CNTLN: variants seen among roughly 807,000 people sequenced by gnomAD.
CNTLN encodes the protein centlein.
A neutral mutation model predicts 180.0 loss-of-function variants in CNTLN; 212 were observed. The observed-to-expected ratio is 1.18, with a 90% CI of 1.05 to 1.32. The LOEUF (loss-of-function observed/expected upper bound fraction) is 1.32. Ranked by LOEUF, CNTLN falls within the 40% of genes most tolerant of loss-of-function variation. CNTLN has a pLI of 0.00. For synonymous variants in CNTLN, 722 were observed against 563.1 expected (o/e 1.28, Z -3.99); for missense variants, 2,095 against 1,610.9 (o/e 1.30, Z -5.14).
At chr9:17,368,610 G>C (rs1176603830) in intron 13 of CNTLN, among the ~76,000 whole-genome samples, 1 of 152,172 alleles carries the variant, frequency 6.6e-6, no homozygotes, top group Non-Finnish European at 1.5e-5. Flanking sequence ...CCACAGGGGT[G>C]CATTTGTCAC....
Position 17,388,160 on chromosome 9 carries a change from A to G in CNTLN, c.1988-2A>G, listed in dbSNP as rs1400903282. 2 of 1,596,452 alleles carry G rather than the reference A, an allele frequency of 1.3e-6. No homozygotes were observed. Among genetic ancestry groups the G allele is most frequent in the Non-Finnish European group, 1.7e-6 (2 of 1,165,484 alleles). ...CATAATATATTATTTATTCTCTACC[A>G]GAACAGCTCTTTAGATCTGGTGAAG... On this transcript the variant is annotated splice_acceptor_variant, in intron 13 of 25. Transcript: ENST00000380647. LOFTEE classifies it high-confidence loss of function.
chr9:17,488,397 A>G (rs1588100609), intron 25 of CNTLN, among the ~76,000 whole-genome samples: 1 of 152,278 alleles, frequency 6.6e-6, no homozygotes, highest in East Asian at 1.9e-4. Flanking sequence ...ACATCAAAGA[A>G]TTCAATAATG....
intron 18 of CNTLN, among the ~76,000 whole-genome samples, chr9:17,428,491 C>T (rs929201324): frequency 2.0e-5 from 3 of 152,038 alleles, no homozygotes; most frequent in African/African-American, 7.2e-5. Context: ...TACTGTATGC[C>T]TTCTCAAAAG....
chr9:17,160,349 T>G (rs970757061), intron 2 of CNTLN, among the ~76,000 whole-genome samples: 1 of 152,164 alleles, frequency 6.6e-6, no homozygotes, highest in Non-Finnish European at 1.5e-5. Context: ...TCAAACTCAC[T>G]ATATTATGTA....
chr9:17,427,303 A>C (rs976438715), intron 18 of CNTLN, among the ~76,000 whole-genome samples: 1 of 48,138 alleles, frequency 2.1e-5, no homozygotes, highest in African/African-American at 6.1e-5. Flanking sequence ...TTTTTTTTAG[A>C]TTTTTCAGCA....
At position 17,416,165 on chromosome 9, in the gene CNTLN, T is replaced by G. The variant is rs752632534; in HGVS notation, c.3090T>G (p.Phe1030Leu). Residue 1030 changes from phenylalanine (F) to leucine (L), a missense_variant, in exon 18 of 26, where the codon TTT becomes TTG. Phe to Leu is a conservative substitution (Grantham distance 22). Coordinates refer to ENST00000380647, the MANE Select transcript of CNTLN (RefSeq NM_017738.4). ...LHQQQVSDQR[F>L]QTSRQTIKKL... is the part of the protein sequence containing the mutation. The stretch of plus-strand genomic sequence containing the variant: ...AACAGCAAGTATCCGATCAACGATT[T>G]CAGACAAGCAGGCAGACAATAAAGG... The G allele has an allele frequency of 9.3e-6, 15 of 1,613,156 alleles. No individual in the cohort carries two copies. Among genetic ancestry groups the G allele is most frequent in the Non-Finnish European group, 1.1e-5 (13 of 1,179,634 alleles).
the CNTLN span, among the ~76,000 whole-genome samples, chr9:17,524,465 G>T: frequency 6.6e-6 from 1 of 152,154 alleles, no homozygotes; most frequent in Admixed American, 6.5e-5. Flanking sequence ...TAATTAGAGA[G>T]GGCAGTCTGC....
intron 25 of CNTLN, among the ~76,000 whole-genome samples, chr9:17,498,334 C>A (rs559746329): frequency 1.3e-5 from 2 of 152,208 alleles, no homozygotes; most frequent in Admixed American, 1.3e-4. Flanking sequence ...TTATATGTCA[C>A]CTCTAAAGGA....
At chr9:17,204,040 T>A (rs1354318388) in intron 2 of CNTLN, among the ~76,000 whole-genome samples, 1 of 152,216 alleles carries the variant, frequency 6.6e-6, no homozygotes, top group Non-Finnish European at 1.5e-5. Flanking sequence ...CTAAACGGGT[T>A]ATTCTAGTTA....
chr9:17,293,439 C>T (rs777654659), intron 6 of CNTLN, among the ~76,000 whole-genome samples: 2 of 152,226 alleles, frequency 1.3e-5, no homozygotes, highest in African/African-American at 4.8e-5. Flanking sequence ...GTCCCAGCGA[C>T]ATCAGAGTTC....
intron 23 of CNTLN, among the ~76,000 whole-genome samples, chr9:17,472,888 C>G (rs1458585118): frequency 6.6e-6 from 1 of 152,170 alleles, no homozygotes; most frequent in African/African-American, 2.4e-5. Flanking sequence ...CTCAAATTCA[C>G]TGGCCTTACC....
chr9:17,527,192 C>T, the CNTLN span, among the ~76,000 whole-genome samples: 1 of 152,090 alleles, frequency 6.6e-6, no homozygotes, highest in African/African-American at 2.4e-5. Flanking sequence ...CACCTAACTT[C>T]TTATAAAAAG....
chr9:17,211,391 C>G (rs1823296452), intron 2 of CNTLN, among the ~76,000 whole-genome samples: 1 of 152,016 alleles, frequency 6.6e-6, no homozygotes, highest in Non-Finnish European at 1.5e-5. Flanking sequence ...TTTCTGAGGG[C>G]TCTGTTCCGT....
intron 12 of CNTLN, among the ~76,000 whole-genome samples, chr9:17,347,077 A>C (rs1012395496): frequency 6.6e-6 from 1 of 152,210 alleles, no homozygotes; most frequent in Admixed American, 6.5e-5. Context: ...TTCTTTATGT[A>C]TAATTGTTTA....
chr9:17,332,842 G>A (rs992357805), intron 10 of CNTLN, 112 bp downstream of exon 10: 28 of 743,346 alleles, frequency 3.8e-5, no homozygotes, highest in Middle Eastern at 4.3e-4. Context: ...GAATTTAATT[G>A]CCTGTATAAA....
intron 12 of CNTLN, among the ~76,000 whole-genome samples, chr9:17,358,672 C>T (rs778239689): frequency 9.2e-5 from 14 of 152,088 alleles, no homozygotes; most frequent in Middle Eastern, 3.4e-3. Flanking sequence ...ATGCTTTCTA[C>T]TTTTTAAAGT....
At chr9:17,422,049 C>G (rs1008580716) in intron 18 of CNTLN, among the ~76,000 whole-genome samples, 1 of 152,102 alleles carries the variant, frequency 6.6e-6, no homozygotes, top group African/African-American at 2.4e-5. Flanking sequence ...TTGTAGAACT[C>G]CCTTTAGCAT....
chr9:17,473,524 C>G (rs1832147826), intron 23 of CNTLN, among the ~76,000 whole-genome samples: 1 of 151,590 alleles, frequency 6.6e-6, no homozygotes, highest in African/African-American at 2.4e-5. Context: ...AGTTTCAACC[C>G]TACACTTTGT....
At position 17,298,328 on chromosome 9, in the gene CNTLN, A is replaced by G. The variant is rs779710155; in HGVS notation, c.1122A>G (p.Thr374=). 5 of 1,612,112 alleles carry G rather than the reference A, an allele frequency of 3.1e-6. No homozygotes were observed. In the African/African-American group the frequency reaches 5.3e-5, roughly 17 times the overall value. Residue 374 remains threonine (T), a synonymous_variant, in exon 7 of 26, where the codon ACA becomes ACG. Coordinates refer to ENST00000380647, the MANE Select transcript of CNTLN (RefSeq NM_017738.4). ...TGAGAAATCAGGAAGATGTTCACAC[A>G]GCTGAAAGTATATCATATCAAAAAG... The part of the protein sequence containing the change: ...KVLRNQEDVH[T]AESISYQKLY...
Sources: gnomAD v4.1 joint callset for allele counts (sites outside exome capture counted in the v4.1 genomes callset) on GRCh38, gnomAD v4.1.1 for gene constraint, MANE v1.5 for transcripts, NCBI Gene and HGNC (gene_info 2026-07-23, HGNC 2026-07-21) for gene names.